CCDC102B: variants seen among roughly 807,000 people sequenced by gnomAD.
CCDC102B encodes coiled-coil domain containing 102B.
CCDC102B carries 75 observed loss-of-function variants against 57.4 expected under a neutral mutation model. The ratio of observed to expected loss-of-function variants is 1.31; its 90% CI spans 1.08 to 1.58. CCDC102B has a LOEUF of 1.58. Ranked by LOEUF, CCDC102B falls within the 40% of genes most tolerant of loss-of-function variation. CCDC102B has a pLI of 0.00. For missense variants in CCDC102B, 636 were observed against 582.6 expected (o/e 1.09, Z -0.94); for synonymous variants, 206 against 201.9 (o/e 1.02, Z -0.17).
At chr18:68,874,927 A>G (rs893422637) in intron 5 of CCDC102B, 142 bp downstream of exon 5, 2 of 545,432 alleles carry the variant, frequency 3.7e-6, no homozygotes, top group Non-Finnish European at 6.6e-6. Flanking sequence ...ATCAGCTTAT[A>G]TGTGATTTAA....
At chr18:68,856,443 A>G (rs1303680322) in intron 4 of CCDC102B, among the ~76,000 whole-genome samples, 2 of 152,104 alleles carry the variant, frequency 1.3e-5, no homozygotes, top group African/African-American at 4.8e-5. Context: ...GGCATGTACC[A>G]CCACAACTGG....
chr18:68,924,301 G>T (rs2041400103), intron 6 of CCDC102B, among the ~76,000 whole-genome samples: 1 of 151,940 alleles, frequency 6.6e-6, no homozygotes, highest in African/African-American at 2.4e-5. Context: ...AATCATGAGG[G>T]CAGTTTCCCC....
At chr18:68,827,074 T>C (rs941584488) in intron 1 of CCDC102B, among the ~76,000 whole-genome samples, 12 of 151,922 alleles carry the variant, frequency 7.9e-5, no homozygotes, top group African/African-American at 2.9e-4. Context: ...ATAGAACTGG[T>C]AAAACTATCC....
intron 7 of CCDC102B, among the ~76,000 whole-genome samples, chr18:69,045,375 T>C (rs950381852): frequency 1.3e-5 from 2 of 152,094 alleles, no homozygotes; most frequent in Admixed American, 6.6e-5. Flanking sequence ...TTTCCTTCTG[T>C]GATAAAATAC....
intron 7 of CCDC102B, among the ~76,000 whole-genome samples, chr18:69,043,360 T>C (rs916112674): frequency 1.3e-5 from 2 of 152,080 alleles, no homozygotes; most frequent in African/African-American, 2.4e-5. Flanking sequence ...GCAAGAGGCA[T>C]GCCTTCCTCT....
At chr18:68,895,924 G>A (rs950556417) in intron 5 of CCDC102B, among the ~76,000 whole-genome samples, 12 of 151,858 alleles carry the variant, frequency 7.9e-5, no homozygotes, top group Admixed American at 2.6e-4. Context: ...AAATATATGA[G>A]AGAAACATAC....
intron 6 of CCDC102B, among the ~76,000 whole-genome samples, chr18:68,920,508 T>A (rs1196899861): frequency 6.6e-6 from 1 of 152,066 alleles, no homozygotes. Context: ...GAAAAAGACG[T>A]TTAATTGGAC....
At position 68,832,108 on chromosome 18, in the gene CCDC102B, GA is replaced by G. The variant is rs5825875; in HGVS notation, c.-15-4631del. On this transcript the variant is annotated intron_variant, in intron 1 of 7. Transcript: ENST00000360242. ...GCATTACAGGTCCTATGCTTTTTAGGAAAAAAAAAATTCAACAAAGGTTTCA... is the reference window on the plus strand; with the variant it reads ...GCATTACAGGTCCTATGCTTTTTAGGAAAAAAAAATTCAACAAAGGTTTCA... Among the ~76,000 whole-genome samples the G allele has an allele frequency of 4.8e-3, 705 of 148,364 alleles. 2 individuals are homozygous for G. The highest frequency in any genetic ancestry group is 0.02 in the East Asian group (104 of 5,102).
At chr18:68,817,219 T>C (rs2036519634) in intron 1 of CCDC102B, among the ~76,000 whole-genome samples, 2 of 152,262 alleles carry the variant, frequency 1.3e-5, no homozygotes, top group Admixed American at 1.3e-4. Flanking sequence ...GTACGTGTTA[T>C]CTGAAAGCAT....
chr18:68,717,783 G>A (rs2032104717), intron 2 of CCDC102B, among the ~76,000 whole-genome samples: 1 of 152,044 alleles, frequency 6.6e-6, no homozygotes, highest in Non-Finnish European at 1.5e-5. Context: ...CTACATTTGT[G>A]TATATATATA....
intron 6 of CCDC102B, among the ~76,000 whole-genome samples, chr18:68,937,974 A>C (rs1231963050): frequency 6.6e-6 from 1 of 152,066 alleles, no homozygotes; most frequent in Non-Finnish European, 1.5e-5. Context: ...TCCATGGTAT[A>C]TATGTGTCAC....
At chr18:68,787,838 T>C (rs1312157087) in intron 2 of CCDC102B, among the ~76,000 whole-genome samples, 3 of 152,056 alleles carry the variant, frequency 2.0e-5, no homozygotes, top group Non-Finnish European at 4.4e-5. Context: ...TTCAGTTCTG[T>C]TCTGATTTTA....
rs1244454369 is a variant in CCDC102B at position 68,778,296 on chromosome 18, T to C, written c.-66-45070T>C. ...CAACACCATCCATCTTTTTCTAAGA[T>C]TTGCCATTTCTTTTTCATCAACTAA... is the stretch of plus-strand genomic sequence containing the variant. On this transcript the variant is annotated intron_variant, in intron 2 of 3. Coordinates refer to the CCDC102B transcript ENST00000578970. Among the ~76,000 whole-genome samples, 4 of 152,266 alleles carry C rather than the reference T, an allele frequency of 2.6e-5. No individual in the cohort carries two copies. The East Asian group carries it at 7.7e-4, about 29-fold the overall frequency.
In CCDC102B at chr18:68,911,776, G is replaced by A. The variant is rs372441336; in HGVS notation, c.1263+14348G>A. Among the ~76,000 whole-genome samples the A allele has an allele frequency of 7.9e-3, 641 of 80,986 alleles. 1 individual carries two copies. Among genetic ancestry groups the A allele is most frequent in the Non-Finnish European group, 8.8e-3 (336 of 38,088 alleles). The allele number at this position is 80,986 out of a possible 152,430, so 53.1% of individuals were successfully genotyped here. On this transcript the variant is annotated intron_variant, in intron 6 of 7. Transcript: ENST00000360242. Reference sequence around the variant, plus strand: ...CAAAAAAAAAAAAAAAAAAAAAAAAGATCAGAAAAAAATACCTAATAGGTA... The same window carrying A: ...CAAAAAAAAAAAAAAAAAAAAAAAAAATCAGAAAAAAATACCTAATAGGTA...
chr18:68,719,532 G>A (rs1490417864), intron 2 of CCDC102B, among the ~76,000 whole-genome samples: 1 of 152,162 alleles, frequency 6.6e-6, no homozygotes, highest in Admixed American at 6.5e-5. Flanking sequence ...AACACAGACA[G>A]TGAATTTACC....
At chr18:68,872,352 A>C (rs2039271484) in intron 4 of CCDC102B, among the ~76,000 whole-genome samples, 1 of 152,182 alleles carries the variant, frequency 6.6e-6, no homozygotes, top group Non-Finnish European at 1.5e-5. Context: ...TCAGAAACAC[A>C]ACAGGCACCG....
intron 2 of CCDC102B, among the ~76,000 whole-genome samples, chr18:68,786,241 A>G (rs1281743200): frequency 1.3e-5 from 2 of 152,102 alleles, no homozygotes; most frequent in Non-Finnish European, 2.9e-5. Context: ...GCCTTGTAGT[A>G]TAGTTTGTTC....
intron 6 of CCDC102B, among the ~76,000 whole-genome samples, chr18:68,904,045 G>GT (rs1244405650): frequency 6.6e-6 from 1 of 152,022 alleles, no homozygotes; most frequent in Non-Finnish European, 1.5e-5. Context: ...ATGATATGTT[G>GT]TTTTTCTTCC....
At chr18:68,726,036 G>T (rs2032578990) in intron 2 of CCDC102B, among the ~76,000 whole-genome samples, 2 of 152,162 alleles carry the variant, frequency 1.3e-5, no homozygotes, top group South Asian at 4.1e-4. Flanking sequence ...TCCATTCAGG[G>T]TGATAGAATT....
Sources: allele counts gnomAD v4.1 joint callset (sites outside exome capture counted in the v4.1 genomes callset), GRCh38; gene constraint gnomAD v4.1.1; transcripts MANE v1.5; gene names NCBI Gene and HGNC (gene_info 2026-07-23, HGNC 2026-07-21).